The following COPG2 variants were observed in gnomAD, a reference collection of about 807,000 sequenced individuals.
COPG2 encodes the protein coatomer subunit gamma-2.
A neutral mutation model predicts 46.3 loss-of-function variants in COPG2; 37 were observed. That is an observed-to-expected ratio of 0.80 (90% CI 0.61 to 1.05). The LOEUF (loss-of-function observed/expected upper bound fraction) is 1.05. Among genes scored for constraint, COPG2 ranks in the 50% least tolerant of loss-of-function variants. The pLI is 0.00. For synonymous variants in COPG2, 159 were observed against 129.7 expected (o/e 1.23, Z -1.53); for missense variants, 427 against 387.8 (o/e 1.10, Z -0.85).
At position 130,613,601 on chromosome 7, in the gene COPG2, C is replaced by T. The variant is rs1794895910; in HGVS notation, c.435G>A (p.Lys145=). 3 of 1,601,702 alleles carry T rather than the reference C, an allele frequency of 1.9e-6. No homozygotes were observed. Among genetic ancestry groups the T allele is most frequent in the East Asian group, 2.2e-5 (1 of 44,790 alleles). The change falls in exon 7 of 24, where the codon AAG becomes AAA. Residue 145 remains lysine, a synonymous_variant. Coordinates refer to ENST00000425248, the MANE Select transcript of COPG2 (RefSeq NM_012133.6). Reference sequence around the variant, plus strand: ...TGGAAACTTTATCCACAATGGCCTGCTTCATGTATCTTTCAATGGCTTGCA... The same window carrying T: ...TGGAAACTTTATCCACAATGGCCTGTTTCATGTATCTTTCAATGGCTTGCA... The part of the protein sequence containing the change: ...TMLQAIERYM[K]QAIVDKVSSV...
At chr7:130,532,041 G>A (rs1309443205) in intron 20 of COPG2, among the ~76,000 whole-genome samples, 2 of 152,076 alleles carry the variant, frequency 1.3e-5, no homozygotes, top group African/African-American at 4.8e-5. Context: ...CTGCATCCTC[G>A]GGTGAGAATC....
intron 9 of COPG2, among the ~76,000 whole-genome samples, chr7:130,594,950 T>C (rs1326383332): frequency 6.6e-6 from 1 of 152,290 alleles, no homozygotes; most frequent in Middle Eastern, 3.4e-3. Context: ...GGAAAACAGT[T>C]TGGCAGTTCC....
intron 9 of COPG2, among the ~76,000 whole-genome samples, chr7:130,606,625 TG>T (rs1563057354): frequency 6.6e-6 from 1 of 152,236 alleles, no homozygotes; most frequent in Non-Finnish European, 1.5e-5. Flanking sequence ...AAAATGAAGA[TG>T]TGACCCAGTT....
chr7:130,667,425 C>T, intron 2 of COPG2, 57 bp downstream of exon 2: 1 of 1,412,658 alleles, frequency 7.1e-7, no homozygotes, highest in Non-Finnish European at 1.0e-6. Context: ...GGATTCTCTG[C>T]CCACCACTCT....
intron 6 of COPG2, among the ~76,000 whole-genome samples, chr7:130,614,065 G>A (rs553289504): frequency 1.0e-3 from 158 of 152,208 alleles, no homozygotes; most frequent in African/African-American, 3.4e-3. Flanking sequence ...GAAATCAAAC[G>A]TAATCCCTGA....
intron 9 of COPG2, chr7:130,603,743 AAAAT>A: frequency 2.5e-6 from 1 of 396,748 alleles, no homozygotes. Flanking sequence ...AAAAAAAAAA[AAAAT>A]TTGCGGCAAT....
At chr7:130,658,329 G>A (rs1274415609) in intron 4 of COPG2, among the ~76,000 whole-genome samples, 1 of 152,132 alleles carries the variant, frequency 6.6e-6, no homozygotes, top group East Asian at 1.9e-4. Context: ...ATGACTTCCT[G>A]GAAAAGGCAA....
At chr7:130,564,214 C>G in intron 10 of COPG2, 46 bp downstream of exon 10, 1 of 398,404 alleles carries the variant, frequency 2.5e-6, no homozygotes, top group Non-Finnish European at 4.4e-6. Flanking sequence ...AAACTTAAAG[C>G]AAAAACTTAG....
intron 20 of COPG2, among the ~76,000 whole-genome samples, chr7:130,525,462 A>G (rs1488496899): frequency 1.3e-5 from 2 of 152,170 alleles, no homozygotes; most frequent in Non-Finnish European, 2.9e-5. Context: ...GTAAGATGGC[A>G]CTGGGCATGG....
chr7:130,632,811 G>C (rs1198141817), intron 5 of COPG2, among the ~76,000 whole-genome samples: 1 of 151,892 alleles, frequency 6.6e-6, no homozygotes, highest in African/African-American at 2.4e-5. Flanking sequence ...TTGTTACACA[G>C]GTATACATGT....
At chr7:130,617,969 G>C (rs1794977234) in intron 5 of COPG2, among the ~76,000 whole-genome samples, 1 of 151,412 alleles carries the variant, frequency 6.6e-6, no homozygotes, top group Non-Finnish European at 1.5e-5. Flanking sequence ...GGTGTTGTGG[G>C]GTGTGCCTGT....
At chr7:130,617,879 T>C (rs1261249415) in intron 5 of COPG2, among the ~76,000 whole-genome samples, 4 of 152,064 alleles carry the variant, frequency 2.6e-5, no homozygotes, top group East Asian at 3.9e-4. Flanking sequence ...GGTGGGAGGA[T>C]TACTTGAGCT....
At chr7:130,530,344 G>A (rs959502666) in intron 20 of COPG2, among the ~76,000 whole-genome samples, 34 of 152,250 alleles carry the variant, frequency 2.2e-4, no homozygotes, top group Non-Finnish European at 4.4e-4. Flanking sequence ...GGGACTGGCT[G>A]TGGAGTTTTG....
chr7:130,591,730 G>A (rs1402598160), intron 9 of COPG2, among the ~76,000 whole-genome samples: 1 of 142,684 alleles, frequency 7.0e-6, no homozygotes, highest in Admixed American at 6.9e-5. Flanking sequence ...AAGGAGGTGG[G>A]GGGGTCAGCC....
chr7:130,573,109 T>C (rs1240214666), intron 9 of COPG2, among the ~76,000 whole-genome samples: 2 of 151,462 alleles, frequency 1.3e-5, no homozygotes, highest in African/African-American at 2.4e-5. Flanking sequence ...ATAACTTAGA[T>C]GAAATGGAAA....
chr7:130,528,654 G>T (rs1313589453), intron 20 of COPG2, among the ~76,000 whole-genome samples: 2 of 151,196 alleles, frequency 1.3e-5, no homozygotes, highest in African/African-American at 4.9e-5. Flanking sequence ...GCGCCCCAGG[G>T]GCTGACTGCT....
At chr7:130,649,842 C>A (rs1209354783) in intron 5 of COPG2, among the ~76,000 whole-genome samples, 2 of 152,134 alleles carry the variant, frequency 1.3e-5, no homozygotes, top group African/African-American at 4.8e-5. Context: ...ACGGCAGCAC[C>A]CCACTTCCAG....
chr7:130,508,650 G>GT lies in COPG2; in HGVS notation c.2158_2159insA (p.Ser720TyrfsTer3). On this transcript the variant is annotated frameshift_variant, in exon 21 of 24. Transcript: ENST00000425248. LOFTEE classifies it high-confidence loss of function. Reference sequence around the variant, plus strand: ...TGTAAACTTCATGGTGCAGCTAAAGGAGCCTGCAACTGGAGGAGAAGGGAG... The same window carrying GT: ...TGTAAACTTCATGGTGCAGCTAAAGGTAGCCTGCAACTGGAGGAGAAGGGAG... 1.3e-6 allele frequency: 1 copy of GT among 766,914 alleles called. No homozygotes were observed. Among genetic ancestry groups the GT allele is most frequent in the African/African-American group, 1.7e-5 (1 of 59,112 alleles). The allele number at this position is 766,914 out of a possible 1,614,324, so 47.5% of individuals were successfully genotyped here.
chr7:130,656,388 C>T (rs12674293), intron 4 of COPG2, among the ~76,000 whole-genome samples: 64,394 of 151,890 alleles, frequency 0.42, 16,566 homozygotes, highest in East Asian at 0.59. Flanking sequence ...AAGGAAGAGA[C>T]ACCACTAAGG....
Sources: gnomAD v4.1 joint callset for allele counts (sites outside exome capture counted in the v4.1 genomes callset) on GRCh38, gnomAD v4.1.1 for gene constraint, MANE v1.5 for transcripts, NCBI Gene and HGNC (gene_info 2026-07-23, HGNC 2026-07-21) for gene names.